KLK2: variants seen among roughly 807,000 people sequenced by gnomAD.
KLK2 encodes kallikrein related peptidase 2, also known as kallikrein-2.
KLK2 carries 17 observed loss-of-function variants against 23.0 expected under a neutral mutation model. The observed-to-expected ratio is 0.74, with a 90% CI of 0.51 to 1.11. The LOEUF is 1.11. Ranked by LOEUF, KLK2 falls within the 50% of genes least tolerant of loss-of-function variation. The pLI is 0.00. For synonymous variants in KLK2, 140 were observed against 124.7 expected, an observed-to-expected ratio of 1.12 and a Z score of -0.82; for missense variants, 330 against 325.9, an observed-to-expected ratio of 1.01 and a Z score of -0.10.
intron 4 of KLK2, chr19:50,877,504 C>T (rs1282821260): frequency 2.3e-5 from 4 of 170,300 alleles, no homozygotes; most frequent in South Asian, 1.5e-4. Flanking sequence ...GAGAGCCCTG[C>T]GGCACCTGGG....
chr19:50,876,960 G>A lies in KLK2; in HGVS notation c.582G>A (p.Glu194=), dbSNP rs1239810066. ...CARAYSEKVT[E]FMLCAGLWTG... The stretch of plus-strand genomic sequence containing the variant: ...GAGCTTACTCTGAGAAGGTGACAGA[G>A]TTCATGTTGTGTGCTGGGCTCTGGA... The change falls in exon 4 of 5, where the codon GAG becomes GAA. Residue 194 remains glutamate (E), a synonymous_variant. Coordinates refer to ENST00000325321, the MANE Select transcript of KLK2 (RefSeq NM_005551.5). 1.2e-6 allele frequency: 2 copies of A among 1,614,096 alleles called. No individual in the cohort carries two copies. Among genetic ancestry groups the A allele is most frequent in the African/African-American group, 2.7e-5 (2 of 74,928 alleles).
rs749259468 is a variant in KLK2 at position 50,878,841 on chromosome 19, T to A, written c.*282T>A. The stretch of plus-strand genomic sequence containing the variant: ...CTGAAGACTTCTCGCTCAGTTTCAG[T>A]GAGGACACACACAAAGACGTGGGTG... On this transcript the variant is annotated 3_prime_UTR_variant, in exon 5 of 5. Transcript: ENST00000325321. 52 of 355,480 alleles carry A rather than the reference T, an allele frequency of 1.5e-4. No homozygotes were observed. The highest frequency in any genetic ancestry group is 2.4e-4 in the Admixed American group (6 of 24,504). 22.0% of individuals were successfully genotyped at this position (355,480 alleles called of 1,614,324 possible).
Position 50,876,644 on chromosome 19 carries a change from TCAGAGCCTGC to T in KLK2, c.382_391del (p.Glu128ArgfsTer6). On this transcript the variant is annotated frameshift_variant, in exon 3 of 5. Transcript: ENST00000325321. LOFTEE classifies it high-confidence loss of function. ...CCATGACCTCATGCTGCTCCGCCTG[TCAGAGCCTGC>T]CAAGATCACAGATGTTGTGAAGGTC... 6.2e-7 allele frequency: 1 copy of T among 1,614,190 alleles called. No individual in the cohort carries two copies.
rs377048033 is a variant in KLK2 at position 50,873,526 on chromosome 19, T to C, written c.46+7T>C. On this transcript the variant is annotated splice_region_variant and intron_variant, in intron 1 of 4. Transcript: ENST00000325321. ...TTGTCTGTGGGGTGCACTGGTGAGA[T>C]TGGGGGGATAAAGGAAGGGGGGCGG... The C allele has an allele frequency of 2.1e-5, 29 of 1,404,824 alleles. No individual in the cohort carries two copies. The highest frequency in any genetic ancestry group is 1.4e-4 in the South Asian group (12 of 84,966). The allele number at this position is 1,404,824 out of a possible 1,614,324, so 87.0% of individuals were successfully genotyped here.
chr19:50,877,959 G>A (rs2123484001), intron 4 of KLK2, among the ~76,000 whole-genome samples: 1 of 152,222 alleles, frequency 6.6e-6, no homozygotes, highest in African/African-American at 2.4e-5. Context: ...GCCTCAGTGG[G>A]TCATTCTGAT....
chr19:50,876,840 C>T lies in KLK2; in HGVS notation c.494-32C>T, dbSNP rs750838733. ...TGGGGCCAAAGAACCAGGTGGGGTC[C>T]GGCCACAGCCCAGTTTTTCTCTGAC... On this transcript the variant is annotated intron_variant, in intron 3 of 4. Coordinates refer to ENST00000325321, the MANE Select transcript of KLK2 (RefSeq NM_005551.5). 4.7e-5 allele frequency: 76 copies of T among 1,611,336 alleles called. No homozygotes were observed. The South Asian group carries it at 5.4e-4, about 11-fold the overall frequency.
chr19:50,879,037 T>C lies in KLK2; in HGVS notation c.*478T>C, dbSNP rs1187962526. The C allele has an allele frequency of 1.3e-5, 3 of 233,942 alleles. No homozygotes were observed. 14.5% of individuals were successfully genotyped at this position (233,942 alleles called of 1,614,324 possible). A position where few individuals can be genotyped will look rare whatever the true frequency, so the allele number is the denominator to read the frequency against. On this transcript the variant is annotated 3_prime_UTR_variant, in exon 5 of 5. Transcript: ENST00000325321. ...GCTGTAAACATAGCCCACGCTGTCC[T>C]GGGGGCACTGGGAAGCCTAGATAAG...
At position 50,880,396 on chromosome 19, in the gene KLK2, A is replaced by G. The variant is rs1600023650; in HGVS notation, c.*1837A>G. On this transcript the variant is annotated 3_prime_UTR_variant, in exon 5 of 5. Transcript: ENST00000325321. ...TAAGTTTTGAGACTGGCAGGTAGTG[A>G]AACTCATTAGGCTGAGAACCTTGTG... is the stretch of plus-strand genomic sequence containing the variant. 1 of 221,436 alleles carries G rather than the reference A, an allele frequency of 4.5e-6. No homozygotes were observed. Among genetic ancestry groups the G allele is most frequent in the African/African-American group, 2.2e-5 (1 of 44,626 alleles). 13.7% of individuals were successfully genotyped at this position (221,436 alleles called of 1,614,324 possible). A position where few individuals can be genotyped will look rare whatever the true frequency, so the allele number is the denominator to read the frequency against.
Position 50,878,485 on chromosome 19 carries a change from G to C in KLK2, c.712G>C (p.Glu238Gln), listed in dbSNP as rs754792382. ...SWGPEPCALP[E>Q]KPAVYTKVVH... Reference sequence around the variant, plus strand: ...GGGCCCTGAGCCATGTGCCCTGCCTGAAAAGCCTGCTGTGTACACCAAGGT... The same window carrying C: ...GGGCCCTGAGCCATGTGCCCTGCCTCAAAAGCCTGCTGTGTACACCAAGGT... Residue 238 changes from glutamate to glutamine, a missense_variant, in exon 5 of 5, where the codon GAA (glutamate) becomes CAA (glutamine). Coordinates refer to ENST00000325321, the MANE Select transcript of KLK2 (RefSeq NM_005551.5). 1.2e-6 allele frequency: 2 copies of C among 1,614,004 alleles called. No individual in the cohort carries two copies. Among genetic ancestry groups the C allele is most frequent in the Non-Finnish European group, 1.7e-6 (2 of 1,179,978 alleles).
intron 1 of KLK2, chr19:50,873,826 T>A: frequency 2.4e-6 from 1 of 410,666 alleles, no homozygotes; most frequent in Non-Finnish European, 4.4e-6. Context: ...AGGACCTCTC[T>A]CCATGCCACT....
In KLK2 at chr19:50,876,862, T is replaced by C. The variant is rs755381961; in HGVS notation, c.494-10T>C. On this transcript the variant is annotated splice_polypyrimidine_tract_variant and intron_variant, in intron 3 of 4. Coordinates refer to ENST00000325321, the MANE Select transcript of KLK2 (RefSeq NM_005551.5). ...GTCCGGCCACAGCCCAGTTTTTCTC[T>C]GACCCATAGTCTTGCGCCCCAGGAG... 2 of 1,613,308 alleles carry C rather than the reference T, an allele frequency of 1.2e-6. No individual in the cohort carries two copies. Among genetic ancestry groups the C allele is most frequent in the Non-Finnish European group, 8.5e-7 (1 of 1,179,450 alleles).
rs933873510 is a variant in KLK2, at chr19:50,880,331, A to G, written c.*1772A>G. 2.1e-4 allele frequency: 47 copies of G among 226,286 alleles called. 1 individual carries two copies. The highest frequency in any genetic ancestry group is 8.5e-4 in the African/African-American group (38 of 44,850). The allele number at this position is 226,286 out of a possible 1,614,324, so 14.0% of individuals were successfully genotyped here. A position where few individuals can be genotyped will look rare whatever the true frequency, so the allele number is the denominator to read the frequency against. ...TTATAGTAACAAGACGGTGGGGCAA[A>G]CTCTGATTTCCGTGGGGGAATGTCA... On this transcript the variant is annotated 3_prime_UTR_variant, in exon 5 of 5. Coordinates refer to ENST00000325321, the MANE Select transcript of KLK2 (RefSeq NM_005551.5).
chr19:50,878,325 G>A lies in KLK2; in HGVS notation c.631-79G>A, dbSNP rs527968689. 827 of 1,376,308 alleles carry A rather than the reference G, an allele frequency of 6.0e-4. 8 individuals carry two copies. In the South Asian group the frequency reaches 9.2e-3, roughly 15 times the overall value. 85.3% of individuals were successfully genotyped at this position (1,376,308 alleles called of 1,614,324 possible). ...GAATTGCTCTCAGTCATCTGCCTGC[G>A]CGGTTCTGAGAGATGGAGTTGCCTA... On this transcript the variant is annotated intron_variant, in intron 4 of 4. Coordinates refer to ENST00000325321, the MANE Select transcript of KLK2 (RefSeq NM_005551.5).
chr19:50,879,620 G>A lies in KLK2; in HGVS notation c.*1061G>A, dbSNP rs1010689093. ...TGTCCAGGGTTTTTACTGGGGGTCT[G>A]TAGGACGAGTATGGAGTACTTGAAT... On this transcript the variant is annotated 3_prime_UTR_variant, in exon 5 of 5. Coordinates refer to ENST00000325321, the MANE Select transcript of KLK2 (RefSeq NM_005551.5). The A allele has an allele frequency of 4.3e-6, 1 of 230,544 alleles. No homozygotes were observed. The highest frequency in any genetic ancestry group is 2.2e-5 in the African/African-American group (1 of 45,170). The allele number at this position is 230,544 out of a possible 1,614,324, so 14.3% of individuals were successfully genotyped here.
Position 50,873,634 on chromosome 19 carries a change from A to G in KLK2, c.46+115A>G, listed in dbSNP as rs2070854. On this transcript the variant is annotated intron_variant, in intron 1 of 4. Coordinates refer to ENST00000325321, the MANE Select transcript of KLK2 (RefSeq NM_005551.5). ...TTCAGCCCACAGTTCAGCCCAGACAATGTGCCCCTGACTCTTCCACATTGC... is the reference window on the plus strand; with the variant it reads ...TTCAGCCCACAGTTCAGCCCAGACAGTGTGCCCCTGACTCTTCCACATTGC... The G allele has an allele frequency of 2.1e-3, 1,530 of 714,564 alleles. 42 individuals are homozygous for G. In the East Asian group the frequency reaches 0.037, roughly 17 times the overall value. The allele number at this position is 714,564 out of a possible 1,614,324, so 44.3% of individuals were successfully genotyped here.
Position 50,880,069 on chromosome 19 carries a change from A to G in KLK2, c.*1510A>G, listed in dbSNP as rs2090328959. 4.4e-6 allele frequency: 1 copy of G among 229,368 alleles called. No homozygotes were observed. Among genetic ancestry groups the G allele is most frequent in the Non-Finnish European group, 8.6e-6 (1 of 115,736 alleles). The allele number at this position is 229,368 out of a possible 1,614,324, so 14.2% of individuals were successfully genotyped here. ...AGGAATGATACTGAGCCCAAAGAGC[A>G]TTCAATCATTGTTTTATTTGCCTTC... On this transcript the variant is annotated 3_prime_UTR_variant, in exon 5 of 5. Transcript: ENST00000325321.
At position 50,877,025 on chromosome 19, in the gene KLK2, C is replaced by T. The variant is rs1478668270; in HGVS notation, c.630+17C>T. ...ACTTGTGGGGTGAGTCATCCCTACT[C>T]CCAACATCTGGAGGGGAAAGGTGAG... On this transcript the variant is annotated intron_variant, in intron 4 of 4. Transcript: ENST00000325321. 1 of 1,613,902 alleles carries T rather than the reference C, an allele frequency of 6.2e-7. No homozygotes were observed. The highest frequency in any genetic ancestry group is 8.5e-7 in the Non-Finnish European group (1 of 1,179,976).
rs2090314469 is a variant in KLK2, at chr19:50,878,671, GCTCGAGC to G, written c.*116_*122del. ...GAAGCTTGGAACTCACCTGGCCGAA[GCTCGAGC>G]CTCCTGAGTCCTACTGACCTGTGCT... is the stretch of plus-strand genomic sequence containing the variant. On this transcript the variant is annotated 3_prime_UTR_variant, in exon 5 of 5. Transcript: ENST00000325321. 1 of 1,086,270 alleles carries G rather than the reference GCTCGAGC, an allele frequency of 9.2e-7. No individual in the cohort carries two copies. The highest frequency in any genetic ancestry group is 2.0e-5 in the Admixed American group (1 of 49,996). 67.3% of individuals were successfully genotyped at this position (1,086,270 alleles called of 1,614,324 possible). A position where few individuals can be genotyped will look rare whatever the true frequency, so the allele number is the denominator to read the frequency against.
rs1033535007 is a variant in KLK2 at position 50,879,248 on chromosome 19, T to TA, written c.*690dup. The TA allele has an allele frequency of 1.3e-5, 3 of 232,782 alleles. No homozygotes were observed. The highest frequency in any genetic ancestry group is 6.6e-5 in the African/African-American group (3 of 45,326). The allele number at this position is 232,782 out of a possible 1,614,324, so 14.4% of individuals were successfully genotyped here. On this transcript the variant is annotated 3_prime_UTR_variant, in exon 5 of 5. Transcript: ENST00000325321. ...CATGCTGTGGTTTATTATGGTTTGT[T>TA]ACATTGATAGGATACATACTGAAAT...
Sources: gnomAD v4.1 joint callset for allele counts (sites outside exome capture counted in the v4.1 genomes callset) on GRCh38, gnomAD v4.1.1 for gene constraint, MANE v1.5 for transcripts, NCBI Gene and HGNC (gene_info 2026-07-23, HGNC 2026-07-21) for gene names.